Variants in CNTN5 observed in about 807,000 individuals in gnomAD.
CNTN5 encodes the protein contactin 5.
In CNTN5, 77 loss-of-function variants were observed where a neutral mutation model predicts 129.1. The ratio of observed to expected loss-of-function variants is 0.60; its 90% CI spans 0.50 to 0.72. The LOEUF (loss-of-function observed/expected upper bound fraction) is 0.72, where lower values mean the gene tolerates loss of function less well. CNTN5 is among the 30% of genes least tolerant of loss of function. The pLI is 0.00. For synonymous variants in CNTN5, 509 were observed against 465.6 expected (o/e 1.09, Z -1.20); for missense variants, 1,478 against 1,328.8 (o/e 1.11, Z -1.75).
intron 6 of CNTN5, among the ~76,000 whole-genome samples, chr11:99,898,577 C>A (rs1949270730): frequency 6.6e-6 from 1 of 151,980 alleles, no homozygotes; most frequent in Admixed American, 6.6e-5. Flanking sequence ...TAGACACAGG[C>A]ACTGATGATA....
At chr11:99,121,135 CTT>C (rs575121058) in intron 1 of CNTN5, among the ~76,000 whole-genome samples, 12 of 125,206 alleles carry the variant, frequency 9.6e-5, no homozygotes, top group Admixed American at 1.5e-4. Context: ...TTCTTTCTTT[CTT>C]TTTTTTTTTT....
chr11:99,423,498 C>G (rs1186559584), intron 2 of CNTN5, among the ~76,000 whole-genome samples: 1 of 152,154 alleles, frequency 6.6e-6, no homozygotes, highest in African/African-American at 2.4e-5. Context: ...AGAAAAAGTA[C>G]TTACATTTTC....
At chr11:99,800,970 G>T (rs1041355249) in intron 3 of CNTN5, among the ~76,000 whole-genome samples, 1 of 152,130 alleles carries the variant, frequency 6.6e-6, no homozygotes, top group South Asian at 2.1e-4. Context: ...TCATGAAGTT[G>T]TTAACTGATA....
At chr11:99,821,546 A>T (rs374126497) in intron 4 of CNTN5, among the ~76,000 whole-genome samples, 1 of 152,204 alleles carries the variant, frequency 6.6e-6, no homozygotes, top group African/African-American at 2.4e-5. Context: ...GAAGATCATC[A>T]TTAGGAGTTT....
chr11:100,090,993 T>C (rs1314145237), intron 13 of CNTN5, among the ~76,000 whole-genome samples: 1 of 152,130 alleles, frequency 6.6e-6, no homozygotes, highest in East Asian at 1.9e-4. Flanking sequence ...AGTTTACTTT[T>C]TGAAACTTTC....
intron 8 of CNTN5, among the ~76,000 whole-genome samples, chr11:99,969,492 T>C (rs1951190598): frequency 6.6e-6 from 1 of 152,176 alleles, no homozygotes. Flanking sequence ...TACTTGACAC[T>C]CAATTCTGCT....
intron 1 of CNTN5, among the ~76,000 whole-genome samples, chr11:99,237,779 G>A (rs1565427524): frequency 6.6e-6 from 1 of 152,226 alleles, no homozygotes; most frequent in East Asian, 1.9e-4. Context: ...ATAATTTTAT[G>A]TTTTAATTCT....
intron 13 of CNTN5, among the ~76,000 whole-genome samples, chr11:100,181,476 G>A (rs1198978620): frequency 1.3e-5 from 2 of 151,896 alleles, no homozygotes; most frequent in Admixed American, 6.6e-5. Context: ...AAGAATCGGT[G>A]GGTTAGAAAT....
intron 1 of CNTN5, among the ~76,000 whole-genome samples, chr11:99,220,906 A>G (rs1459337143): frequency 1.3e-5 from 2 of 151,934 alleles, no homozygotes; most frequent in African/African-American, 2.4e-5. Flanking sequence ...TTTTTAGTCT[A>G]CTAAGTGGGT....
intron 1 of CNTN5, among the ~76,000 whole-genome samples, chr11:99,032,513 G>A (rs1185684446): frequency 6.6e-6 from 1 of 151,392 alleles, no homozygotes; most frequent in Non-Finnish European, 1.5e-5. Flanking sequence ...TTCTCTGATG[G>A]CCAGTGATGG....
intron 3 of CNTN5, among the ~76,000 whole-genome samples, chr11:99,615,424 A>G (rs1950729407): frequency 6.6e-6 from 1 of 152,128 alleles, no homozygotes; most frequent in Admixed American, 6.5e-5. Context: ...TTTATTGAAA[A>G]TTTACTCAAT....
intron 1 of CNTN5, among the ~76,000 whole-genome samples, chr11:99,220,887 A>G (rs556650492): frequency 1.0e-3 from 154 of 152,148 alleles, no homozygotes; most frequent in African/African-American, 3.6e-3. Flanking sequence ...ATTTAAAAAA[A>G]AAATCAGCTT....
chr11:99,568,234 C>A (rs1949069388), intron 3 of CNTN5, among the ~76,000 whole-genome samples: 1 of 152,092 alleles, frequency 6.6e-6, no homozygotes, highest in Non-Finnish European at 1.5e-5. Flanking sequence ...CCCTTTCTGG[C>A]AAGATAACTT....
intron 1 of CNTN5, among the ~76,000 whole-genome samples, chr11:99,285,593 GAA>G (rs55945633): frequency 2.2e-5 from 3 of 134,442 alleles, no homozygotes; most frequent in Admixed American, 7.5e-5. Context: ...TCAAGTTAAA[GAA>G]AAAAAAAAAA....
At position 99,628,520 on chromosome 11, in the gene CNTN5, A is replaced by AC. The variant is rs1212839060; in HGVS notation, c.55+72251_55+72252insC. ...CTGCAATGTACCGTGTATTATATAC[A>AC]GGTATTAATTCAACCAAAACGTGTA... On this transcript the variant is annotated intron_variant, in intron 3 of 24. Transcript: ENST00000524871. Among the ~76,000 whole-genome samples the AC allele has an allele frequency of 8.6e-5, 13 of 151,920 alleles. No homozygotes were observed. In the East Asian group the frequency reaches 1.7e-3, roughly 20 times the overall value.
At chr11:99,380,432 T>C (rs1167744987) in intron 2 of CNTN5, among the ~76,000 whole-genome samples, 1 of 152,208 alleles carries the variant, frequency 6.6e-6, no homozygotes, top group Non-Finnish European at 1.5e-5. Flanking sequence ...ACACTGTTTC[T>C]ACTATTAACT....
intron 1 of CNTN5, among the ~76,000 whole-genome samples, chr11:99,146,303 A>T (rs868189169): frequency 6.6e-6 from 1 of 152,164 alleles, no homozygotes; most frequent in Admixed American, 6.5e-5. Flanking sequence ...TAATTCGTTT[A>T]TCCATTTGCA....
At chr11:99,990,566 A>G (rs958157795) in intron 8 of CNTN5, among the ~76,000 whole-genome samples, 1 of 152,030 alleles carries the variant, frequency 6.6e-6, no homozygotes, top group Non-Finnish European at 1.5e-5. Flanking sequence ...AATAATACTC[A>G]TAATGGTGCA....
At chr11:100,214,186 TA>T (rs200633074) in intron 15 of CNTN5, among the ~76,000 whole-genome samples, 20 of 150,244 alleles carry the variant, frequency 1.3e-4, no homozygotes, top group South Asian at 2.1e-4. Flanking sequence ...TTAAGTTTTG[TA>T]AAAAAAAATG....
Sources: gnomAD v4.1 joint callset for allele counts (sites outside exome capture counted in the v4.1 genomes callset) on GRCh38, gnomAD v4.1.1 for gene constraint, MANE v1.5 for transcripts, NCBI Gene and HGNC (gene_info 2026-07-23, HGNC 2026-07-21) for gene names.